The following MLPH variants were observed in gnomAD, a reference collection of about 807,000 sequenced individuals.
MLPH encodes exophilin-3.
A neutral mutation model predicts 72.1 loss-of-function variants in MLPH; 51 were observed. The observed-to-expected ratio is 0.71, with a 90% CI of 0.56 to 0.89. MLPH has a LOEUF of 0.89. Among genes scored for constraint, MLPH ranks in the 40% least tolerant of loss-of-function variants. MLPH has a pLI of 0.00. For synonymous variants in MLPH, 301 were observed against 310.1 expected (o/e 0.97, Z 0.31); for missense variants, 743 against 759.9 (o/e 0.98, Z 0.26).
At chr2:237,499,948 G>A (rs1033445806) in intron 2 of MLPH, among the ~76,000 whole-genome samples, 1 of 152,070 alleles carries the variant, frequency 6.6e-6, no homozygotes, top group Non-Finnish European at 1.5e-5. Flanking sequence ...GTCTCTCTAT[G>A]TTGTCCAGGC....
chr2:237,518,233 G>T (rs1028281377), intron 4 of MLPH: 2 of 483,454 alleles, frequency 4.1e-6, no homozygotes, highest in Non-Finnish European at 3.9e-6. Context: ...ATAGGTGGGT[G>T]TATGGGTGGG....
intron 2 of MLPH, among the ~76,000 whole-genome samples, chr2:237,506,357 G>A (rs1029652169): frequency 1.3e-5 from 2 of 152,170 alleles, no homozygotes; most frequent in African/African-American, 2.4e-5. Context: ...TCTCTTTAAT[G>A]TCTGTGTAGC....
At chr2:237,529,813 G>A (rs923859436) in intron 8 of MLPH, among the ~76,000 whole-genome samples, 2 of 152,230 alleles carry the variant, frequency 1.3e-5, no homozygotes, top group African/African-American at 4.8e-5. Context: ...TGTAGGGCCA[G>A]CTCCTTGGGC....
intron 9 of MLPH, among the ~76,000 whole-genome samples, chr2:237,537,994 G>T (rs1204530273): frequency 6.6e-6 from 1 of 152,252 alleles, no homozygotes; most frequent in African/African-American, 2.4e-5. Context: ...ACGAGCAGGT[G>T]CACGGGCAGA....
rs2106290523 is a variant in MLPH at position 237,510,421 on chromosome 2, C to T, written c.111-153C>T. ...ACAAAGATGCCTGTGTGGCTTTGCC[C>T]AACGTTGGGTCACTGTTTTCTGCAT... On this transcript the variant is annotated intron_variant, in intron 2 of 15. Coordinates refer to ENST00000264605, the MANE Select transcript of MLPH (RefSeq NM_024101.7). The surrounding 1 kb of genome is among the most constrained non-coding windows in gnomAD (Gnocchi z 4.4). The T allele has an allele frequency of 1.2e-6, 1 of 833,056 alleles. No individual in the cohort carries two copies. The highest frequency in any genetic ancestry group is 2.0e-6 in the Non-Finnish European group (1 of 499,102). The allele number at this position is 833,056 out of a possible 1,614,324, so 51.6% of individuals were successfully genotyped here. A position where few individuals can be genotyped will look rare whatever the true frequency, so the allele number is the denominator to read the frequency against.
intron 9 of MLPH, among the ~76,000 whole-genome samples, chr2:237,536,311 A>C (rs1003332031): frequency 1.3e-5 from 2 of 152,192 alleles, no homozygotes; most frequent in East Asian, 3.9e-4. Flanking sequence ...GCCTTTATCT[A>C]TAAGGGGATG....
chr2:237,504,828 T>G (rs1553591611), intron 2 of MLPH, among the ~76,000 whole-genome samples: 1 of 152,204 alleles, frequency 6.6e-6, no homozygotes, highest in Non-Finnish European at 1.5e-5. Flanking sequence ...GGGTGACGGC[T>G]GCCTCAGTGG....
intron 14 of MLPH, among the ~76,000 whole-genome samples, chr2:237,551,204 C>T (rs1442932101): frequency 2.0e-5 from 3 of 152,256 alleles, no homozygotes; most frequent in African/African-American, 7.2e-5. Flanking sequence ...GAGTCGTGAT[C>T]CCTCGAGTTA....
chr2:237,522,980 A>C (rs1257978915), intron 6 of MLPH, among the ~76,000 whole-genome samples: 3 of 152,256 alleles, frequency 2.0e-5, no homozygotes, highest in Non-Finnish European at 4.4e-5. Context: ...CATCCAATAA[A>C]GAGCTGAAAG....
intron 8 of MLPH, among the ~76,000 whole-genome samples, chr2:237,528,603 G>A (rs574108197): frequency 1.3e-5 from 2 of 152,142 alleles, no homozygotes; most frequent in Admixed American, 6.5e-5. Context: ...CCCCCACCTT[G>A]GCCTCCCAAA....
At chr2:237,540,734 G>A in intron 10 of MLPH, 68 bp from the exon 11 acceptor site, 1 of 1,590,088 alleles carries the variant, frequency 6.3e-7, no homozygotes, top group Non-Finnish European at 8.6e-7. Context: ...ATCGTGGTGA[G>A]TCCCCATCTG....
At chr2:237,504,040 T>C (rs10191032) in intron 2 of MLPH, among the ~76,000 whole-genome samples, 11,695 of 152,074 alleles carry the variant, frequency 0.077, 1,476 homozygotes, top group African/African-American at 0.26. Flanking sequence ...GGAGCCCACA[T>C]ACCTGAAGCC....
rs1357690151 is a variant in MLPH, at chr2:237,510,618, T to G, written c.155T>G (p.Leu52Arg). 1 of 1,613,674 alleles carries G rather than the reference T, an allele frequency of 6.2e-7. No individual in the cohort carries two copies. Among genetic ancestry groups the G allele is most frequent in the Non-Finnish European group, 8.5e-7 (1 of 1,180,036 alleles). The change falls in exon 3 of 16, where the codon CTG becomes CGG. Residue 52 changes from leucine (L) to arginine (R), a missense_variant. Transcript: ENST00000264605. The surrounding 1 kb of genome is among the most constrained non-coding windows in gnomAD (Gnocchi z 4.4). ...KIKKESSKRE[L>R]LSDTAHLNET... ...AAGAAGGAAAGCTCCAAGAGGGAGC[T>G]GCTTTCCGACACTGCCCATCTGAAC...
rs369604551 is a variant in MLPH at position 237,542,658 on chromosome 2, C to T, written c.1538C>T (p.Pro513Leu). 5.6e-5 allele frequency: 87 copies of T among 1,566,548 alleles called. No individual in the cohort carries two copies. The highest frequency in any genetic ancestry group is 1.2e-4 in the African/African-American group (9 of 72,912). The change falls in exon 12 of 16, where the codon CCG becomes CTG. Residue 513 changes from proline (P) to leucine (L), a missense_variant and splice_region_variant. By Grantham distance (98) the Pro-to-Leu change is moderately conservative. Transcript: ENST00000264605. ...SGKPRRKSNL[P>L]IFLPRVAGKL... ...AAGCCCCGGAGGAAGTCAAACCTCC[C>T]GGTGAGTGGGGGGCAGTGGTGAGTG...
intron 2 of MLPH, among the ~76,000 whole-genome samples, chr2:237,503,551 G>A (rs1422314536): frequency 6.6e-6 from 1 of 152,136 alleles, no homozygotes; most frequent in Non-Finnish European, 1.5e-5. Flanking sequence ...TAGCCCTGAC[G>A]TGAGGTTTAC....
intron 2 of MLPH, among the ~76,000 whole-genome samples, chr2:237,496,867 G>A (rs535219645): frequency 1.4e-4 from 22 of 152,354 alleles, no homozygotes; most frequent in Non-Finnish European, 2.8e-4. Context: ...GAATGCCCAA[G>A]TGGCATTGCT....
Position 237,554,578 on chromosome 2 carries a change from G to A in MLPH, c.*986G>A, listed in dbSNP as rs1212123305. On this transcript the variant is annotated 3_prime_UTR_variant, in exon 16 of 16. Coordinates refer to ENST00000264605, the MANE Select transcript of MLPH (RefSeq NM_024101.7). Reference sequence around the variant, plus strand: ...TCCAAGACTCTCCAGAGCTGCCTTTGAACATCCTAACAGTAATCACATCTC... The same window carrying A: ...TCCAAGACTCTCCAGAGCTGCCTTTAAACATCCTAACAGTAATCACATCTC... 1.3e-5 allele frequency: 2 copies of A among 152,468 alleles called. No homozygotes were observed. The highest frequency in any genetic ancestry group is 2.9e-5 in the Non-Finnish European group (2 of 68,254). 9.4% of individuals were successfully genotyped at this position (152,468 alleles called of 1,614,324 possible).
chr2:237,498,769 G>A (rs1394705022), intron 2 of MLPH, among the ~76,000 whole-genome samples: 2 of 152,248 alleles, frequency 1.3e-5, no homozygotes, highest in Admixed American at 6.5e-5. Context: ...TGGGAGGGCT[G>A]TTCCTGCCTC....
chr2:237,517,452 T>C (rs1186918056), intron 4 of MLPH, among the ~76,000 whole-genome samples: 1 of 151,292 alleles, frequency 6.6e-6, no homozygotes, highest in Non-Finnish European at 1.5e-5. Context: ...GATGGATGCA[T>C]GGATGGATGG....
Sources: gnomAD v4.1 joint callset for allele counts (sites outside exome capture counted in the v4.1 genomes callset) on GRCh38, gnomAD v4.1.1 for gene constraint, Gnocchi (gnomAD v3.1) non-coding constraint, MANE v1.5 for transcripts, NCBI Gene and HGNC (gene_info 2026-07-23, HGNC 2026-07-21) for gene names.